SPARCL1: variants seen among roughly 807,000 people sequenced by gnomAD.
SPARCL1 encodes SPARC like 1.
In SPARCL1, 52 loss-of-function variants were observed where a neutral mutation model predicts 67.1. The observed-to-expected ratio is 0.78, with a 90% CI of 0.62 to 0.98. The LOEUF (loss-of-function observed/expected upper bound fraction) is 0.98. Ranked by LOEUF, SPARCL1 falls within the 50% of genes least tolerant of loss-of-function variation. The pLI, the probability that SPARCL1 is intolerant of heterozygous loss-of-function variation, is 0.00. For synonymous variants in SPARCL1, 226 were observed against 267.8 expected (o/e 0.84, Z 1.52); for missense variants, 717 against 782.4 (o/e 0.92, Z 1.00).
intron 10 of SPARCL1, 94 bp downstream of exon 10, chr4:87,479,336 G>T: frequency 7.6e-7 from 1 of 1,319,432 alleles, no homozygotes; most frequent in Non-Finnish European, 1.0e-6. Context: ...CTTCCAATTC[G>T]AACATGTGGC....
At chr4:87,509,769 G>T (rs779318569) in intron 1 of SPARCL1, among the ~76,000 whole-genome samples, 3 of 151,470 alleles carry the variant, frequency 2.0e-5, no homozygotes, top group Non-Finnish European at 1.5e-5. Context: ...AAGAATTATT[G>T]TAAGTGTCTG....
chr4:87,488,773 A>G (rs192594501), intron 7 of SPARCL1, among the ~76,000 whole-genome samples: 2 of 152,184 alleles, frequency 1.3e-5, no homozygotes, highest in African/African-American at 4.8e-5. Flanking sequence ...CCTTACTTTC[A>G]GAGATGCCTT....
chr4:87,505,721 A>ATTGG (rs1725044539), intron 1 of SPARCL1, among the ~76,000 whole-genome samples: 1 of 107,334 alleles, frequency 9.3e-6, no homozygotes. Context: ...TGCTCAGCTA[A>ATTGG]TTGTTTTTTT....
rs999494290 is a variant in SPARCL1, at chr4:87,494,409, C to T, written c.391G>A (p.Glu131Lys). 1.2e-6 allele frequency: 2 copies of T among 1,614,134 alleles called. No homozygotes were observed. Among genetic ancestry groups the T allele is most frequent in the Non-Finnish European group, 8.5e-7 (1 of 1,180,032 alleles). ...DIKEDMSEPQ[E>K]KKLSENTDFL... ...TCAGTGTTCTCTGAGAGTTTTTTCT[C>T]CTGAGGCTCACTCATATCTTCTTTT... Residue 131 changes from glutamate (E) to lysine (K), a missense_variant, in exon 4 of 11, where the codon GAG becomes AAG. Physicochemically the swap from Glu to Lys is moderately conservative, Grantham distance 56 (BLOSUM62 1). Coordinates refer to ENST00000282470, the MANE Select transcript of SPARCL1 (RefSeq NM_004684.6).
At chr4:87,518,979 G>A (rs547965121) in intron 1 of SPARCL1, among the ~76,000 whole-genome samples, 4 of 152,152 alleles carry the variant, frequency 2.6e-5, no homozygotes, top group South Asian at 2.1e-4. Flanking sequence ...GACCAAACAC[G>A]TCATGAAACC....
chr4:87,505,616 G>A (rs1389344604), intron 1 of SPARCL1, among the ~76,000 whole-genome samples: 1 of 151,790 alleles, frequency 6.6e-6, no homozygotes, highest in Admixed American at 6.6e-5. Context: ...GAGTGTAATT[G>A]CAATCATAGC....
intron 1 of SPARCL1, among the ~76,000 whole-genome samples, chr4:87,524,805 A>G (rs1357857496): frequency 2.0e-5 from 3 of 152,180 alleles, no homozygotes; most frequent in Non-Finnish European, 4.4e-5. Context: ...CAATAACAAA[A>G]CCATGAAAAA....
intron 7 of SPARCL1, among the ~76,000 whole-genome samples, chr4:87,483,714 G>A (rs189701532): frequency 5.9e-5 from 9 of 152,268 alleles, no homozygotes; most frequent in Admixed American, 3.3e-4. Context: ...ATATGAAAGC[G>A]TTCCTATTTC....
chr4:87,516,247 G>A (rs2110259150), intron 1 of SPARCL1, among the ~76,000 whole-genome samples: 1 of 152,224 alleles, frequency 6.6e-6, no homozygotes, highest in East Asian at 1.9e-4. Context: ...TCATCTCCTA[G>A]CTGAGTACCT....
chr4:87,473,731 A>T lies in SPARCL1; in HGVS notation c.*44T>A. The T allele has an allele frequency of 6.6e-7, 1 of 1,503,842 alleles. No homozygotes were observed. Among genetic ancestry groups the T allele is most frequent in the Non-Finnish European group, 9.2e-7 (1 of 1,084,422 alleles). The allele number at this position is 1,503,842 out of a possible 1,614,324, so 93.2% of individuals were successfully genotyped here. On this transcript the variant is annotated 3_prime_UTR_variant, in exon 11 of 11. Transcript: ENST00000282470. ...CTGCATATATTTCTGAAGTGGTTAG[A>T]ACAGAGGAGGATGCTGGAAAGTTGA...
At chr4:87,521,945 A>T (rs1402943780) in intron 1 of SPARCL1, among the ~76,000 whole-genome samples, 1 of 152,216 alleles carries the variant, frequency 6.6e-6, no homozygotes, top group Non-Finnish European at 1.5e-5. Context: ...AACAATTATT[A>T]TAGGTACTTT....
In SPARCL1 at chr4:87,490,323, C is replaced by A. The variant is rs757023174; in HGVS notation, c.1481G>T (p.Gly494Val). The change falls in exon 7 of 11, where the codon GGG becomes GTG. Residue 494 changes from glycine (G) to valine (V), a missense_variant. Physicochemically the swap from Gly to Val is moderately radical, Grantham distance 109 (BLOSUM62 -3). Coordinates refer to ENST00000282470, the MANE Select transcript of SPARCL1 (RefSeq NM_004684.6). ...HLFATKCRLE[G>V]TKKGHQLQLD... is the part of the protein sequence containing the mutation. ...CTGGAGTTGATGCCCCTTTTTGGTC[C>A]CCTCCAGTCTGCATTTAGTAGCGAA... The A allele has an allele frequency of 2.1e-5, 34 of 1,612,598 alleles. No homozygotes were observed. Among genetic ancestry groups the A allele is most frequent in the Non-Finnish European group, 2.9e-5 (34 of 1,179,364 alleles).
chr4:87,518,271 T>C (rs1205005887), intron 1 of SPARCL1, among the ~76,000 whole-genome samples: 2 of 152,128 alleles, frequency 1.3e-5, no homozygotes, highest in East Asian at 3.9e-4. Flanking sequence ...TCCACAGCTG[T>C]TAATTCTTCT....
chr4:87,508,370 T>C (rs1022282711), intron 1 of SPARCL1, among the ~76,000 whole-genome samples: 1 of 151,932 alleles, frequency 6.6e-6, no homozygotes, highest in Non-Finnish European at 1.5e-5. Context: ...TAATTAATTT[T>C]TTTTTTTTCT....
Position 87,483,536 on chromosome 4 carries a change from G to A in SPARCL1, c.1532-976C>T, listed in dbSNP as rs375306686. Among the ~76,000 whole-genome samples the A allele has an allele frequency of 5.9e-5, 9 of 152,144 alleles. No homozygotes were observed. In the East Asian group the frequency reaches 1.2e-3, roughly 20 times the overall value. On this transcript the variant is annotated intron_variant, in intron 7 of 10. Transcript: ENST00000282470. ...AGTCTTTACTATTGTGAACAGTGCT[G>A]TAATAAACATATGTGTGAATGCATC...
intron 1 of SPARCL1, 56 bp downstream of exon 1, chr4:87,528,989 C>T (rs1443469579): frequency 1.3e-5 from 2 of 152,116 alleles, no homozygotes; most frequent in East Asian, 1.9e-4. Context: ...TATCAGATCA[C>T]GCAAATCAGC....
chr4:87,498,952 C>T (rs192016989), intron 2 of SPARCL1, among the ~76,000 whole-genome samples: 1 of 152,006 alleles, frequency 6.6e-6, no homozygotes, highest in Non-Finnish European at 1.5e-5. Context: ...CAGCTCACTG[C>T]AATCTCTGCC....
At chr4:87,480,634 C>T (rs1050147828) in intron 8 of SPARCL1, 114 bp from the exon 9 acceptor site, 6 of 931,054 alleles carry the variant, frequency 6.4e-6, no homozygotes, top group Non-Finnish European at 9.5e-6. Context: ...AAAACAAGCT[C>T]AGGACATCAT....
Position 87,493,566 on chromosome 4 carries a change from T to G in SPARCL1, c.1218+16A>C, listed in dbSNP as rs779283628. ...TGCTGGCTTTATTGGACAAGGACCA[T>G]TTAAAATAATTTTACCTCTTGGTGC... On this transcript the variant is annotated intron_variant, in intron 4 of 10. Transcript: ENST00000282470. 19 of 1,584,670 alleles carry G rather than the reference T, an allele frequency of 1.2e-5. No homozygotes were observed. The East Asian group carries it at 3.8e-4, about 32-fold the overall frequency.
Sources: allele counts gnomAD v4.1 joint callset (sites outside exome capture counted in the v4.1 genomes callset), GRCh38; gene constraint gnomAD v4.1.1; transcripts MANE v1.5; gene names NCBI Gene and HGNC (gene_info 2026-07-23, HGNC 2026-07-21).